The following ZAN variants were observed in gnomAD, a reference collection of about 807,000 sequenced individuals.
ZAN encodes the protein zonadhesin.
A neutral mutation model predicts 286.2 loss-of-function variants in ZAN; 260 were observed. The ratio of observed to expected loss-of-function variants is 0.91; its 90% CI spans 0.82 to 1.01. The LOEUF (loss-of-function observed/expected upper bound fraction) is 1.01, where lower values mean the gene tolerates loss of function less well. Ranked by LOEUF, ZAN falls within the 50% of genes least tolerant of loss-of-function variation. The pLI, the probability that ZAN is intolerant of heterozygous loss-of-function variation, is 0.00. For synonymous variants in ZAN, 1,368 were observed against 1,417.5 expected (o/e 0.97, Z 0.79); for missense variants, 3,410 against 3,639.2 (o/e 0.94, Z 1.62).
At chr7:100,766,482 C>CA (rs11296431) in intron 23 of ZAN, 43 bp from the exon 24 acceptor site, 340 of 1,516,342 alleles carry the variant, frequency 2.2e-4, no homozygotes, top group Admixed American at 6.4e-4. Flanking sequence ...CAAAACAAAG[C>CA]AAAAAAAAAC....
chr7:100,749,821 C>T (rs920469748), intron 11 of ZAN, among the ~76,000 whole-genome samples: 8 of 150,680 alleles, frequency 5.3e-5, no homozygotes, highest in Non-Finnish European at 8.8e-5. Context: ...GAGGCTGAGA[C>T]GGGTGGATCA....
chr7:100,765,573 C>T lies in ZAN; in HGVS notation c.4470+19C>T, dbSNP rs1295629067. On this transcript the variant is annotated intron_variant, in intron 23 of 47. Transcript: ENST00000613979. ...CTTCAAGGTGAGCGGCTGCGTGGAC[C>T]TCTCAGCCCTGCAGCTAGAAAGGGC... is the stretch of plus-strand genomic sequence containing the variant. The T allele has an allele frequency of 1.9e-6, 3 of 1,580,242 alleles. No homozygotes were observed. Among genetic ancestry groups the T allele is most frequent in the Non-Finnish European group, 2.6e-6 (3 of 1,163,834 alleles).
Position 100,752,918 on chromosome 7 carries a change from C to A in ZAN, c.2813C>A (p.Thr938Lys). The change falls in exon 14 of 48, where the codon ACA becomes AAA. Residue 938 changes from threonine to lysine, a missense_variant. Physicochemically the swap from Thr to Lys is moderately conservative, Grantham distance 78. Transcript: ENST00000613979. ...TIPTEETTISTEKLTIPTEKP... is the reference protein window; with the variant it reads ...TIPTEETTISKEKLTIPTEKP... ...CCCACTGAAGAGACTACCATCTCCA[C>A]AGAAAAACTCACCATCCCCACAGAA... The A allele has an allele frequency of 1.9e-6, 3 of 1,611,552 alleles. No homozygotes were observed. The highest frequency in any genetic ancestry group is 2.5e-6 in the Non-Finnish European group (3 of 1,179,184).
At chr7:100,767,377 G>A (rs1810061026) in intron 25 of ZAN, 120 bp downstream of exon 25, 2 of 1,415,278 alleles carry the variant, frequency 1.4e-6, no homozygotes, top group South Asian at 2.8e-5. Context: ...GGAAGCACCT[G>A]CAGCTGACCC....
At chr7:100,754,250 A>G (rs1330492428) in intron 14 of ZAN, among the ~76,000 whole-genome samples, 1 of 152,058 alleles carries the variant, frequency 6.6e-6, no homozygotes, top group Non-Finnish European at 1.5e-5. Flanking sequence ...CAAGGTCAGG[A>G]GATCGAGACC....
chr7:100,762,902 C>T (rs1809694161), intron 20 of ZAN, among the ~76,000 whole-genome samples: 1 of 151,760 alleles, frequency 6.6e-6, no homozygotes, highest in Non-Finnish European at 1.5e-5. Flanking sequence ...CTAACTTTAA[C>T]AAAATTTTTT....
rs2116375314 is a variant in ZAN at position 100,797,346 on chromosome 7, C to T, written c.8267-20C>T. 3 of 1,612,370 alleles carry T rather than the reference C, an allele frequency of 1.9e-6. No homozygotes were observed. On this transcript the variant is annotated intron_variant, in intron 45 of 47. Transcript: ENST00000613979. ...TCCCGTCTCACGTTCGACCTAATGT[C>T]TCTTCCCCGCACCCAGAAGCATCTA...
intron 33 of ZAN, 28 bp from the exon 34 acceptor site, chr7:100,776,412 G>C: frequency 6.3e-7 from 1 of 1,594,158 alleles, no homozygotes. Context: ...TGCTTCCCCA[G>C]CACCGAAAAA....
At chr7:100,741,918 A>AC (rs1172262794) in intron 7 of ZAN, among the ~76,000 whole-genome samples, 1 of 15,706 alleles carries the variant, frequency 6.4e-5, no homozygotes, top group South Asian at 1.6e-3. Flanking sequence ...CGGGGGGCTG[A>AC]CCCCCCACCT....
intron 34 of ZAN, 45 bp from the exon 35 acceptor site, chr7:100,779,401 A>G (rs1811036440): frequency 6.5e-7 from 1 of 1,542,536 alleles, no homozygotes; most frequent in South Asian, 1.2e-5. Flanking sequence ...TTTGTGTCAT[A>G]GTAGGGGGAC....
intron 20 of ZAN, among the ~76,000 whole-genome samples, 193 bp downstream of exon 20, chr7:100,762,551 G>A (rs1198631541): frequency 4.7e-5 from 7 of 149,050 alleles, no homozygotes; most frequent in Non-Finnish European, 1.5e-5. Context: ...TCAGTCTCCC[G>A]AGTAGCTGGG....
At position 100,736,594 on chromosome 7, in the gene ZAN, G is replaced by C. The variant is rs1807309715; in HGVS notation, c.218G>C (p.Gly73Ala). The C allele has an allele frequency of 6.6e-7, 1 of 1,522,998 alleles. No individual in the cohort carries two copies. The highest frequency in any genetic ancestry group is 9.0e-7 in the Non-Finnish European group (1 of 1,107,524). The allele number at this position is 1,522,998 out of a possible 1,614,324, so 94.3% of individuals were successfully genotyped here. ...WVRASGPSPT[G>A]STGAPGGYPN... ...CGAGCCAGTGGGCCCTCTCCCACCG[G>C]CTCCACCGGGGCCCCCGGGGGGTAC... Residue 73 changes from glycine (G) to alanine (A), a missense_variant, in exon 4 of 48, where the codon GGC (glycine) becomes GCC (alanine). Gly to Ala is a moderately conservative substitution (Grantham distance 60, BLOSUM62 0). This residue lies in a region of ZAN where 872 missense variants were observed against 938.9 expected (regional missense o/e 0.93). Coordinates refer to ENST00000613979, the MANE Select transcript of ZAN (RefSeq NM_003386.3).
intron 7 of ZAN, among the ~76,000 whole-genome samples, chr7:100,742,229 G>T (rs1807844402): frequency 8.4e-6 from 1 of 118,900 alleles, no homozygotes; most frequent in African/African-American, 3.3e-5. Context: ...ATCCCAGATG[G>T]GGCGGTGGGG....
chr7:100,781,227 C>T (rs1208144619), intron 35 of ZAN, among the ~76,000 whole-genome samples: 2 of 151,978 alleles, frequency 1.3e-5, no homozygotes, highest in Admixed American at 1.3e-4. Context: ...ACCACCACAC[C>T]CAGGTAATTT....
chr7:100,754,234 A>G (rs1808990464), intron 14 of ZAN, among the ~76,000 whole-genome samples: 2 of 152,186 alleles, frequency 1.3e-5, no homozygotes, highest in South Asian at 2.1e-4. Flanking sequence ...TGAGGCGGGC[A>G]GATCACAAGG....
chr7:100,755,357 C>A lies in ZAN; in HGVS notation c.3256C>A (p.His1086Asn). 1 of 1,613,808 alleles carries A rather than the reference C, an allele frequency of 6.2e-7. No homozygotes were observed. The highest frequency in any genetic ancestry group is 8.5e-7 in the Non-Finnish European group (1 of 1,179,858). ...CNPGFLFSDN[H>N]CIQASSCNCF... Reference sequence around the variant, plus strand: ...CCCTGGCTTTTTGTTTAGTGACAACCACTGCATCCAGGCCTCTTCCTGCAA... The same window carrying A: ...CCCTGGCTTTTTGTTTAGTGACAACAACTGCATCCAGGCCTCTTCCTGCAA... Residue 1086 changes from histidine (H) to asparagine (N), a missense_variant, in exon 15 of 48, where the codon CAC (histidine) becomes AAC (asparagine). His to Asn is a moderately conservative substitution (Grantham distance 68, BLOSUM62 1). Transcript: ENST00000613979.
At chr7:100,748,082 G>C (rs760846010) in intron 9 of ZAN, 55 bp from the exon 10 acceptor site, 9 of 1,480,074 alleles carry the variant, frequency 6.1e-6, no homozygotes, top group Non-Finnish European at 8.5e-6. Flanking sequence ...TTAGATCAGG[G>C]GCTTGGGGGT....
intron 35 of ZAN, among the ~76,000 whole-genome samples, chr7:100,781,765 G>C (rs779639482): frequency 6.7e-6 from 1 of 149,694 alleles, no homozygotes; most frequent in Admixed American, 6.7e-5. Flanking sequence ...CTCAGCCTCC[G>C]AGTAGCTGGG....
At chr7:100,795,563 G>A (rs896442536) in intron 45 of ZAN, among the ~76,000 whole-genome samples, 18 of 149,932 alleles carry the variant, frequency 1.2e-4, no homozygotes, top group African/African-American at 4.4e-4. Flanking sequence ...TATTATTATA[G>A]TAGGAATTAT....
Sources: gnomAD v4.1 joint callset for allele counts (sites outside exome capture counted in the v4.1 genomes callset) on GRCh38, gnomAD v4.1.1 for gene constraint, gnomAD v4.1.1 regional missense constraint, MANE v1.5 for transcripts, NCBI Gene and HGNC (gene_info 2026-07-23, HGNC 2026-07-21) for gene names.